The following LOC112694756 variants were observed in gnomAD, a reference collection of about 807,000 sequenced individuals.
the LOC112694756 span, chr16:30,070,135 C>G: frequency 6.2e-7 from 1 of 1,614,090 alleles, no homozygotes. Flanking sequence ...CCTTGCCTGT[C>G]AAGGAAAGTA....
chr16:30,063,647 G>C, the LOC112694756 span: 1 of 398,724 alleles, frequency 2.5e-6, no homozygotes, highest in East Asian at 3.6e-5. Flanking sequence ...GATTTCCCAG[G>C]CCTCTCTGTT....
chr16:30,061,619 G>T, the LOC112694756 span, among the ~76,000 whole-genome samples: 2 of 143,496 alleles, frequency 1.4e-5, no homozygotes, highest in East Asian at 4.1e-4. Flanking sequence ...GAGTGCAGTG[G>T]GTCGATCTCG....
the LOC112694756 span, chr16:30,054,887 T>C: frequency 2.5e-6 from 1 of 399,222 alleles, no homozygotes. Context: ...ATCTATTTGT[T>C]GCTGCTGGGT....
the LOC112694756 span, chr16:30,068,986 T>C: frequency 3.1e-6 from 5 of 1,614,126 alleles, no homozygotes; most frequent in African/African-American, 5.3e-5. Flanking sequence ...CAGGTGGGCC[T>C]GCAGGTCCTC....
chr16:30,062,796 C>T, the LOC112694756 span, among the ~76,000 whole-genome samples: 126 of 150,846 alleles, frequency 8.4e-4, 1 homozygote, highest in African/African-American at 3.0e-3. Context: ...GTGGAGATCA[C>T]GCCATTGTGC....
the LOC112694756 span, chr16:30,059,008 T>C: frequency 2.5e-6 from 1 of 398,334 alleles, no homozygotes; most frequent in African/African-American, 2.1e-5. Context: ...AGAAATGACG[T>C]GCTATGGAGC....
the LOC112694756 span, chr16:30,064,316 C>T: frequency 2.5e-6 from 1 of 398,418 alleles, no homozygotes; most frequent in Admixed American, 4.4e-5. Flanking sequence ...TCAGAACAGC[C>T]ACCATCACCG....
the LOC112694756 span, chr16:30,068,363 T>C: frequency 2.3e-6 from 1 of 440,318 alleles, no homozygotes. Context: ...CATGCCCGGC[T>C]TAAGTAACTA....
At chr16:30,064,998 A>G in the LOC112694756 span, among the ~76,000 whole-genome samples, 50 of 152,380 alleles carry the variant, frequency 3.3e-4, no homozygotes, top group Non-Finnish European at 6.5e-4. Context: ...CCCGCATGCC[A>G]GAGGCCGAGC....
At chr16:30,069,384 G>A in the LOC112694756 span, 7 of 1,614,120 alleles carry the variant, frequency 4.3e-6, no homozygotes, top group East Asian at 4.5e-5. Context: ...GTATGTGACC[G>A]AGAAGGTAAA....
chr16:30,067,661 G>A, the LOC112694756 span: 3 of 1,614,150 alleles, frequency 1.9e-6, no homozygotes, highest in Admixed American at 1.7e-5. Context: ...TGGGCATCAA[G>A]GTAAGGGGAG....
the LOC112694756 span, chr16:30,058,995 G>T: frequency 7.5e-5 from 30 of 398,494 alleles, no homozygotes; most frequent in Non-Finnish European, 1.3e-4. Context: ...ACAACAGAGG[G>T]TGAGAAATGA....
the LOC112694756 span, among the ~76,000 whole-genome samples, chr16:30,054,051 G>C: frequency 6.6e-6 from 1 of 151,382 alleles, no homozygotes; most frequent in Non-Finnish European, 1.5e-5. Context: ...CAGGTGCGGT[G>C]GCTCATGCCT....
chr16:30,069,496 C>CA, the LOC112694756 span: 3 of 1,614,130 alleles, frequency 1.9e-6, no homozygotes, highest in South Asian at 3.3e-5. Flanking sequence ...TGCTCTGCTC[C>CA]AGGTGCTGGC....
the LOC112694756 span, chr16:30,069,162 G>A: frequency 1.2e-5 from 16 of 1,319,668 alleles, no homozygotes; most frequent in Admixed American, 3.8e-5. Context: ...GATCTGAGGC[G>A]GCTCTTGTCT....
At chr16:30,064,749 G>C in the LOC112694756 span, 16 of 281,194 alleles carry the variant, frequency 5.7e-5, no homozygotes, top group Middle Eastern at 1.9e-3. Flanking sequence ...ACTCGCTGCT[G>C]ACCAGGCTCT....
At chr16:30,062,547 AAG>A in the LOC112694756 span, among the ~76,000 whole-genome samples, 37 of 151,596 alleles carry the variant, frequency 2.4e-4, no homozygotes, top group Middle Eastern at 3.4e-3. Context: ...AAAAAAAAAA[AAG>A]TACAAAAAAT....
chr16:30,063,510 T>G, the LOC112694756 span, among the ~76,000 whole-genome samples: 1 of 152,056 alleles, frequency 6.6e-6, no homozygotes, highest in African/African-American at 2.4e-5. Flanking sequence ...GAACCCTGAA[T>G]CATTGCTTCT....
chr16:30,063,671 A>C, the LOC112694756 span: 1 of 398,994 alleles, frequency 2.5e-6, no homozygotes, highest in African/African-American at 2.1e-5. Context: ...TTCTCCCCTT[A>C]GAGAGCAACA....
Sources: allele counts gnomAD v4.1 joint callset (sites outside exome capture counted in the v4.1 genomes callset), GRCh38; gene constraint gnomAD v4.1.1; transcripts MANE v1.5.